The following PSMB3 variants were observed in gnomAD, a reference collection of about 807,000 sequenced individuals.
PSMB3 encodes proteasome 20S subunit beta 3.
In PSMB3, 5 loss-of-function variants were observed where a neutral mutation model predicts 23.3. The observed-to-expected ratio is 0.21, with a 90% CI of 0.11 to 0.45. PSMB3 has a LOEUF of 0.45. PSMB3 is among the 20% of genes least tolerant of loss of function. PSMB3 has a pLI of 0.99. For synonymous variants in PSMB3, 85 were observed against 99.8 expected, an observed-to-expected ratio of 0.85 and a Z score of 0.88; for missense variants, 192 against 277.9, an observed-to-expected ratio of 0.69 and a Z score of 2.20.
intron 2 of PSMB3, 117 bp from the exon 3 acceptor site, chr17:38,755,766 G>A (rs779560169): frequency 3.2e-5 from 25 of 792,570 alleles, no homozygotes; most frequent in Non-Finnish European, 5.1e-5. Flanking sequence ...TAAGACTACA[G>A]TTTTCCCTGG....
chr17:38,753,260 C>T lies in PSMB3; in HGVS notation c.114C>T (p.Asp38=). 1 of 1,614,216 alleles carries T rather than the reference C, an allele frequency of 6.2e-7. No individual in the cohort carries two copies. Among genetic ancestry groups the T allele is most frequent in the Non-Finnish European group, 8.5e-7 (1 of 1,180,048 alleles). The part of the protein sequence containing the change: ...FGIQAQMVTT[D]FQKIFPMGDR... ...TCCAGGCCCAGATGGTGACCACGGA[C>T]TTCCAGAAGATCTTTCCCATGGGTG... Residue 38 remains aspartate (D), a synonymous_variant, in exon 2 of 6, where the codon GAC becomes GAT. Transcript: ENST00000619426.
At chr17:38,760,390 T>G in intron 3 of PSMB3, 41 bp from the exon 4 acceptor site, 1 of 1,603,164 alleles carries the variant, frequency 6.2e-7, no homozygotes, top group Non-Finnish European at 8.5e-7. Context: ...AAGCGAGCGT[T>G]CTTGAGTTCT....
At chr17:38,759,631 G>A (rs1361903427) in intron 3 of PSMB3, among the ~76,000 whole-genome samples, 1 of 151,198 alleles carries the variant, frequency 6.6e-6, no homozygotes, top group Admixed American at 6.6e-5. Flanking sequence ...TGCAAGCTCC[G>A]CCTCCCGGGT....
In PSMB3 at chr17:38,760,659, T is replaced by A. The variant is rs1341812015; in HGVS notation, c.474+51T>A. 5 of 1,603,648 alleles carry A rather than the reference T, an allele frequency of 3.1e-6. No homozygotes were observed. In the South Asian group the frequency reaches 5.5e-5, roughly 18 times the overall value. Reference sequence around the variant, plus strand: ...TGGGCTCTGAGTTACCCACCCTTGGTCATTAGGAAAAAAGTGTGTTTATGT... The same window carrying A: ...TGGGCTCTGAGTTACCCACCCTTGGACATTAGGAAAAAAGTGTGTTTATGT... On this transcript the variant is annotated intron_variant, in intron 4 of 5. Coordinates refer to ENST00000619426, the MANE Select transcript of PSMB3 (RefSeq NM_002795.4).
chr17:38,753,402 C>T (rs1488796269), intron 2 of PSMB3, 68 bp downstream of exon 2: 14 of 1,516,124 alleles, frequency 9.2e-6, no homozygotes, highest in Middle Eastern at 3.5e-4. Context: ...GCGTCTTGAC[C>T]GGCCAAGGTG....
intron 2 of PSMB3, among the ~76,000 whole-genome samples, chr17:38,754,689 C>T (rs1402378200): frequency 6.6e-6 from 1 of 152,170 alleles, no homozygotes; most frequent in African/African-American, 2.4e-5. Context: ...TCCTTTTCTT[C>T]AGAGGGCTTT....
intron 3 of PSMB3, among the ~76,000 whole-genome samples, chr17:38,757,035 T>A (rs1409678793): frequency 1.6e-4 from 1 of 6,180 alleles, no homozygotes; most frequent in African/African-American, 5.7e-4. Context: ...ACCTGGCTAA[T>A]TTTTTTTTTT....
intron 5 of PSMB3, 126 bp from the exon 6 acceptor site, chr17:38,763,993 G>A (rs1314641347): frequency 8.2e-6 from 8 of 978,684 alleles, no homozygotes; most frequent in Middle Eastern, 3.1e-4. Flanking sequence ...TAGAGGCAGC[G>A]GGCAGCTATT....
intron 2 of PSMB3, chr17:38,755,459 C>T (rs2143216059): frequency 6.6e-6 from 1 of 151,990 alleles, no homozygotes; most frequent in East Asian, 1.9e-4. Flanking sequence ...TCCTGGCTAA[C>T]ACCGTGAAAC....
Position 38,760,423 on chromosome 17 carries a change from C to T in PSMB3, c.297-8C>T. 6.2e-7 allele frequency: 1 copy of T among 1,612,820 alleles called. No homozygotes were observed. Among genetic ancestry groups the T allele is most frequent in the Non-Finnish European group, 8.5e-7 (1 of 1,179,450 alleles). ...TCTGGTTTCTCTCTCTGATGCTGGC[C>T]CCCACAGGTTTGGCCCTTACTACAC... On this transcript the variant is annotated splice_region_variant and splice_polypyrimidine_tract_variant and intron_variant, in intron 3 of 5. Transcript: ENST00000619426.
At chr17:38,760,379 A>AAAGCGAGCGTTCTTGAGTTCTGG in intron 3 of PSMB3, 52 bp from the exon 4 acceptor site, 3 of 1,590,696 alleles carry the variant, frequency 1.9e-6, no homozygotes, top group Middle Eastern at 2.2e-4. Context: ...CTTAAACATG[A>AAAGCGAGCGTTCTTGAGTTCTGG]AAGCGAGCGT....
At chr17:38,756,038 T>A in intron 3 of PSMB3, 48 bp downstream of exon 3, 1 of 1,436,760 alleles carries the variant, frequency 7.0e-7, no homozygotes, top group Non-Finnish European at 9.8e-7. Context: ...CATCTTTGAA[T>A]GTAGTATGGA....
At chr17:38,759,038 T>C (rs1439495166) in intron 3 of PSMB3, among the ~76,000 whole-genome samples, 1 of 152,006 alleles carries the variant, frequency 6.6e-6, no homozygotes, top group African/African-American at 2.4e-5. Flanking sequence ...AGAGCAAGAC[T>C]GTCTCAAAAA....
At chr17:38,757,391 C>G (rs932651301) in intron 3 of PSMB3, among the ~76,000 whole-genome samples, 5 of 151,520 alleles carry the variant, frequency 3.3e-5, no homozygotes, top group Admixed American at 6.6e-5. Flanking sequence ...TGGTGGTGCA[C>G]GCCTGTAATC....
chr17:38,757,073 G>GGT (rs1908233655), intron 3 of PSMB3, among the ~76,000 whole-genome samples: 1 of 116,496 alleles, frequency 8.6e-6, no homozygotes, highest in Admixed American at 1.1e-4. Flanking sequence ...GTAGAGACAA[G>GGT]GTTTCACCAC....
intron 4 of PSMB3, among the ~76,000 whole-genome samples, 200 bp downstream of exon 4, chr17:38,760,808 TAGG>T (rs1176068770): frequency 6.6e-6 from 1 of 152,238 alleles, no homozygotes; most frequent in Non-Finnish European, 1.5e-5. Context: ...CATCTTCTGT[TAGG>T]AGACCACAGT....
At chr17:38,760,387 C>T (rs1052226426) in intron 3 of PSMB3, 44 bp from the exon 4 acceptor site, 10 of 1,596,684 alleles carry the variant, frequency 6.3e-6, no homozygotes, top group Non-Finnish European at 8.6e-6. Flanking sequence ...TGAAAGCGAG[C>T]GTTCTTGAGT....
intron 3 of PSMB3, 155 bp from the exon 4 acceptor site, chr17:38,760,276 G>A: frequency 1.5e-6 from 1 of 678,102 alleles, no homozygotes. Flanking sequence ...GGAGAAGGGA[G>A]AGGGAGCTGG....
Position 38,752,900 on chromosome 17 carries a change from G to A in PSMB3, c.3+71G>A. Reference sequence around the variant, plus strand: ...AGCGGAGGGGGTCAGGAGAGGCTTGGGGACGAAAAGGGCCTAGGGTCGATG... The same window carrying A: ...AGCGGAGGGGGTCAGGAGAGGCTTGAGGACGAAAAGGGCCTAGGGTCGATG... On this transcript the variant is annotated intron_variant, in intron 1 of 5. Transcript: ENST00000619426. This position sits in a 1 kb window ranked among gnomAD's most constrained non-coding sequence, Gnocchi z 5.5. 1 of 1,594,798 alleles carries A rather than the reference G, an allele frequency of 6.3e-7. No homozygotes were observed. Among genetic ancestry groups the A allele is most frequent in the Non-Finnish European group, 8.6e-7 (1 of 1,165,966 alleles).
Sources: allele counts gnomAD v4.1 joint callset (sites outside exome capture counted in the v4.1 genomes callset), GRCh38; gene constraint gnomAD v4.1.1; non-coding constraint Gnocchi (gnomAD v3.1); transcripts MANE v1.5; gene names NCBI Gene and HGNC (gene_info 2026-07-23, HGNC 2026-07-21).